The following MEIKIN variants were observed in gnomAD, a reference collection of about 807,000 sequenced individuals.
MEIKIN encodes meiotic kinetochore factor.
intron 8 of MEIKIN, among the ~76,000 whole-genome samples, chr5:131,881,368 A>G (rs1750700817): frequency 6.6e-6 from 1 of 152,100 alleles, no homozygotes; most frequent in African/African-American, 2.4e-5. Flanking sequence ...TGGTTTTCCT[A>G]CTACAGCACA....
chr5:131,819,790 T>TTTTG (rs1749454953), intron 11 of MEIKIN, among the ~76,000 whole-genome samples: 1 of 129,224 alleles, frequency 7.7e-6, no homozygotes, highest in African/African-American at 3.4e-5. Context: ...TTTTTTTTTT[T>TTTTG]TTTGAGACGG....
At chr5:131,874,576 G>A (rs1213343958) in intron 9 of MEIKIN, among the ~76,000 whole-genome samples, 3 of 152,080 alleles carry the variant, frequency 2.0e-5, no homozygotes, top group East Asian at 3.8e-4. Flanking sequence ...ACAAGGAGGA[G>A]CTGGTACCAT....
intron 12 of MEIKIN, among the ~76,000 whole-genome samples, chr5:131,815,971 C>G (rs1773093165): frequency 1.3e-5 from 2 of 152,212 alleles, no homozygotes; most frequent in African/African-American, 4.8e-5. Context: ...TTTCTTCTCT[C>G]TCTTATCCCT....
chr5:131,873,090 C>A (rs4705905), intron 9 of MEIKIN, among the ~76,000 whole-genome samples: 96,047 of 151,524 alleles, frequency 0.63, 32,436 homozygotes, highest in Non-Finnish European at 0.77. Context: ...ACTGCATCAA[C>A]TAACGAGCAA....
At chr5:131,885,177 A>G (rs1172797390) in intron 8 of MEIKIN, among the ~76,000 whole-genome samples, 1 of 152,124 alleles carries the variant, frequency 6.6e-6, no homozygotes, top group Non-Finnish European at 1.5e-5. Context: ...TAGGGCCTTG[A>G]GAAAACACAG....
rs142398361 is a variant in MEIKIN at position 131,817,734 on chromosome 5, G to A, written c.1099+1006C>T. 6.9e-3 allele frequency among the ~76,000 whole-genome samples: 1,055 copies of A among 152,170 alleles called. 23 individuals carry two copies. Among genetic ancestry groups the A allele is most frequent in the Admixed American group, 0.057 (876 of 15,284 alleles). ...AGTAGCACTGAATTGAGTATTCAAGGAACTTATAAAAAAGGGATCTCTATA... is the reference window on the plus strand; with the variant it reads ...AGTAGCACTGAATTGAGTATTCAAGAAACTTATAAAAAAGGGATCTCTATA... On this transcript the variant is annotated intron_variant, in intron 12 of 12. Coordinates refer to ENST00000442687, the MANE Select transcript of MEIKIN (RefSeq NM_001303622.2).
At chr5:131,831,967 A>G (rs1580863438) in intron 11 of MEIKIN, among the ~76,000 whole-genome samples, 2 of 152,120 alleles carry the variant, frequency 1.3e-5, no homozygotes, top group Non-Finnish European at 2.9e-5. Flanking sequence ...ATACAATTTG[A>G]GATTTGGGTG....
At chr5:131,834,822 C>G (rs1233263227) in intron 11 of MEIKIN, among the ~76,000 whole-genome samples, 1 of 152,074 alleles carries the variant, frequency 6.6e-6, no homozygotes, top group African/African-American at 2.4e-5. Flanking sequence ...AATATATACA[C>G]AAAGTTGAAA....
intron 9 of MEIKIN, among the ~76,000 whole-genome samples, chr5:131,857,300 A>G (rs551073245): frequency 7.4e-4 from 113 of 152,342 alleles, no homozygotes; most frequent in South Asian, 6.2e-3. Flanking sequence ...TTTTCTGGAA[A>G]AAAATAACGT....
chr5:131,844,990 G>T (rs769199325), intron 11 of MEIKIN, among the ~76,000 whole-genome samples: 15 of 152,192 alleles, frequency 9.9e-5, no homozygotes, highest in Non-Finnish European at 2.1e-4. Flanking sequence ...GCCAAAGTTG[G>T]CTGGGTGCGG....
At chr5:131,818,511 C>G (rs1250456095) in intron 12 of MEIKIN, among the ~76,000 whole-genome samples, 2 of 152,108 alleles carry the variant, frequency 1.3e-5, no homozygotes, top group Non-Finnish European at 2.9e-5. Flanking sequence ...ACCTTGAACT[C>G]CTAGGCTCTA....
intron 8 of MEIKIN, among the ~76,000 whole-genome samples, chr5:131,902,372 G>A (rs1031939354): frequency 1.3e-5 from 2 of 152,128 alleles, no homozygotes; most frequent in Non-Finnish European, 1.5e-5. Context: ...GGTGGAGGTT[G>A]TGGTAAGCCA....
Position 131,840,020 on chromosome 5 carries a change from G to A in MEIKIN, c.975+11244C>T, listed in dbSNP as rs147659525. On this transcript the variant is annotated intron_variant, in intron 11 of 12. Coordinates refer to ENST00000442687, the MANE Select transcript of MEIKIN (RefSeq NM_001303622.2). ...CTTCCCATATTTAGTGCTTTCTTCA[G>A]AAGCTCTTGCCTCCTTCAAGTTACA... is the stretch of plus-strand genomic sequence containing the variant. Among the ~76,000 whole-genome samples, 485 of 152,296 alleles carry A rather than the reference G, an allele frequency of 3.2e-3. 3 individuals are homozygous for A. The highest frequency in any genetic ancestry group is 0.011 in the African/African-American group (462 of 41,566).
At chr5:131,868,027 T>C (rs1750418338) in intron 9 of MEIKIN, among the ~76,000 whole-genome samples, 1 of 152,168 alleles carries the variant, frequency 6.6e-6, no homozygotes, top group Non-Finnish European at 1.5e-5. Flanking sequence ...CCTCCAGCAT[T>C]TGGTGTTGTC....
At chr5:131,899,747 G>A (rs150030713) in intron 8 of MEIKIN, among the ~76,000 whole-genome samples, 31 of 152,100 alleles carry the variant, frequency 2.0e-4, no homozygotes, top group African/African-American at 7.0e-4. Flanking sequence ...ATGATAAAGG[G>A]GTCAATTCAG....
At chr5:131,922,625 C>T (rs1751524197) in intron 5 of MEIKIN, among the ~76,000 whole-genome samples, 1 of 152,088 alleles carries the variant, frequency 6.6e-6, no homozygotes, top group Non-Finnish European at 1.5e-5. Flanking sequence ...ACGTAAACTG[C>T]TATTACTTAA....
chr5:131,835,831 G>T (rs11242096), intron 11 of MEIKIN, among the ~76,000 whole-genome samples: 1 of 151,964 alleles, frequency 6.6e-6, no homozygotes, highest in African/African-American at 2.4e-5. Flanking sequence ...CTGACCTTGT[G>T]ATCTGCCTGC....
At chr5:131,857,890 C>A (rs1580875137) in intron 9 of MEIKIN, among the ~76,000 whole-genome samples, 1 of 152,218 alleles carries the variant, frequency 6.6e-6, no homozygotes, top group Non-Finnish European at 1.5e-5. Context: ...CTCTGCCCTG[C>A]CAATGTGGCC....
intron 11 of MEIKIN, among the ~76,000 whole-genome samples, chr5:131,821,162 C>T (rs1010351889): frequency 2.6e-4 from 39 of 152,086 alleles, no homozygotes; most frequent in Admixed American, 1.2e-3. Context: ...ATTAGTACTG[C>T]TTTTGCTGTA....
Sources: gnomAD v4.1 joint callset for allele counts (sites outside exome capture counted in the v4.1 genomes callset) on GRCh38, gnomAD v4.1.1 for gene constraint, MANE v1.5 for transcripts, NCBI Gene and HGNC (gene_info 2026-07-23, HGNC 2026-07-21) for gene names.